AK8: variants seen among roughly 807,000 people sequenced by gnomAD.
AK8 encodes ATP-AMP transphosphorylase 8.
In AK8, 44 loss-of-function variants were observed where a neutral mutation model predicts 54.6. That is an observed-to-expected ratio of 0.81 (90% CI 0.63 to 1.04). The LOEUF (loss-of-function observed/expected upper bound fraction) is 1.04, where lower values mean the gene tolerates loss of function less well. Ranked by LOEUF, AK8 falls within the 50% of genes least tolerant of loss-of-function variation. AK8 has a pLI of 0.00. For missense variants in AK8, 555 were observed against 613.6 expected (o/e 0.90, Z 1.01); for synonymous variants, 239 against 245.6 (o/e 0.97, Z 0.25).
chr9:132,858,098 G>GC (rs1257561177), intron 4 of AK8, among the ~76,000 whole-genome samples: 1 of 152,200 alleles, frequency 6.6e-6, no homozygotes. Context: ...CAGGCCCCTG[G>GC]CCCCGGGTCT....
Position 132,781,030 on chromosome 9 carries a change from C to T in AK8, c.1121+11604G>A, listed in dbSNP as rs565065801. ...CCAACATCAATCAGAATCCTATACT[C>T]TTTCTCTGTAGTAAGCATTAATTTT... On this transcript the variant is annotated intron_variant, in intron 11 of 12. Transcript: ENST00000298545. The surrounding 1 kb of genome is among the most constrained non-coding windows in gnomAD (Gnocchi z 4.6). 3.3e-5 allele frequency among the ~76,000 whole-genome samples: 5 copies of T among 152,308 alleles called. No individual in the cohort carries two copies. The highest frequency in any genetic ancestry group is 1.2e-4 in the African/African-American group (5 of 41,560).
At chr9:132,763,911 G>A (rs1205682113) in intron 11 of AK8, among the ~76,000 whole-genome samples, 1 of 152,214 alleles carries the variant, frequency 6.6e-6, no homozygotes, top group Non-Finnish European at 1.5e-5. Flanking sequence ...ATCAAAAAAA[G>A]TAGGAAGATT....
intron 5 of AK8, among the ~76,000 whole-genome samples, chr9:132,840,849 C>T (rs941722051): frequency 3.3e-5 from 5 of 151,728 alleles, no homozygotes; most frequent in East Asian, 1.9e-4. Flanking sequence ...GCCGAGATCG[C>T]GCCAAAAAAA....
rs1434434379 is a variant in AK8 at position 132,837,219 on chromosome 9, T to G, written c.403-8493A>C. Reference sequence around the variant, plus strand: ...CTGTAATCCCAGCTACTCGGGAGACTGAGGCAGGAGAATCGCTTGAATCTT... The same window carrying G: ...CTGTAATCCCAGCTACTCGGGAGACGGAGGCAGGAGAATCGCTTGAATCTT... On this transcript the variant is annotated intron_variant, in intron 5 of 12. Transcript: ENST00000298545. The surrounding 1 kb of genome is among the most constrained non-coding windows in gnomAD (Gnocchi z 4.3). Among the ~76,000 whole-genome samples the G allele has an allele frequency of 6.7e-6, 1 of 150,312 alleles. No homozygotes were observed. The highest frequency in any genetic ancestry group is 2.5e-5 in the African/African-American group (1 of 40,636).
chr9:132,854,489 G>A (rs72759425), intron 5 of AK8, among the ~76,000 whole-genome samples: 2,414 of 152,292 alleles, frequency 0.016, 30 homozygotes, highest in Middle Eastern at 0.041. Flanking sequence ...GATAGGAGGC[G>A]AGAGTCTGGG....
At chr9:132,730,646 G>A (rs415951) in intron 11 of AK8, among the ~76,000 whole-genome samples, 124,725 of 151,580 alleles carry the variant, frequency 0.82, 51,476 homozygotes, top group Admixed American at 0.88. Flanking sequence ...AGCCCAGTGT[G>A]GCCCTGGTCA....
intron 5 of AK8, among the ~76,000 whole-genome samples, chr9:132,842,659 C>A (rs576771717): frequency 5.3e-5 from 8 of 152,236 alleles, no homozygotes; most frequent in Non-Finnish European, 1.0e-4. Context: ...GTTATTATCA[C>A]ATGGTTTTCA....
chr9:132,823,990 C>G (rs1330976742), intron 8 of AK8, among the ~76,000 whole-genome samples: 1 of 152,218 alleles, frequency 6.6e-6, no homozygotes, highest in Admixed American at 6.5e-5. Flanking sequence ...CTGCATGGCC[C>G]TGGCCTGTGG....
chr9:132,797,822 C>T (rs773325283), intron 10 of AK8, among the ~76,000 whole-genome samples: 1 of 152,230 alleles, frequency 6.6e-6, no homozygotes, highest in Non-Finnish European at 1.5e-5. Flanking sequence ...CCATGGGCGG[C>T]TCTCCCTTTT....
intron 11 of AK8, among the ~76,000 whole-genome samples, chr9:132,728,132 C>G (rs962347016): frequency 3.3e-5 from 5 of 152,198 alleles, no homozygotes; most frequent in African/African-American, 1.2e-4. Context: ...TCTCGTCACC[C>G]CAGACGAGGG....
chr9:132,863,860 C>T (rs954597660), intron 3 of AK8, 82 bp from the exon 4 acceptor site: 100 of 1,083,798 alleles, frequency 9.2e-5, no homozygotes, highest in Non-Finnish European at 1.3e-4. Flanking sequence ...CCTGGTCCTT[C>T]CCTCTCCTAT....
intron 5 of AK8, among the ~76,000 whole-genome samples, chr9:132,839,362 G>A (rs1049574671): frequency 6.6e-6 from 1 of 152,174 alleles, no homozygotes; most frequent in Non-Finnish European, 1.5e-5. Flanking sequence ...CAGGCTCAAT[G>A]AGTCATGGGG....
intron 11 of AK8, among the ~76,000 whole-genome samples, chr9:132,760,483 C>CTCCATAAA (rs1359593292): frequency 9.2e-5 from 14 of 152,290 alleles, no homozygotes; most frequent in Middle Eastern, 3.4e-3. Context: ...CTATTATGTA[C>CTCCATAAA]TCCATAAATT....
chr9:132,743,069 G>A lies in AK8; in HGVS notation c.1122-15535C>T, dbSNP rs1291014170. Among the ~76,000 whole-genome samples, 2 of 152,232 alleles carry A rather than the reference G, an allele frequency of 1.3e-5. 1 individual carries two copies. Among genetic ancestry groups the A allele is most frequent in the South Asian group, 4.1e-4 (2 of 4,836 alleles). ...TCAGCTCAAGCCACAAGCCCTGGCT[G>A]CGTGTGTAGCTTTAGCTCCCCGGGG... On this transcript the variant is annotated intron_variant, in intron 11 of 12. Transcript: ENST00000298545.
chr9:132,812,270 G>T (rs2131246932), intron 10 of AK8, among the ~76,000 whole-genome samples: 1 of 116,728 alleles, frequency 8.6e-6, no homozygotes, highest in Non-Finnish European at 1.6e-5. Flanking sequence ...GTCTCACTCT[G>T]TCACCCAGGC....
chr9:132,865,311 T>G (rs564660713), intron 3 of AK8, among the ~76,000 whole-genome samples: 3 of 152,304 alleles, frequency 2.0e-5, no homozygotes, highest in African/African-American at 7.2e-5. Context: ...TGCAGGTTAG[T>G]TTGTGCAAGG....
At chr9:132,774,307 A>G (rs964063089) in intron 11 of AK8, among the ~76,000 whole-genome samples, 1 of 152,196 alleles carries the variant, frequency 6.6e-6, no homozygotes, top group Non-Finnish European at 1.5e-5. Context: ...CTCAAAGCCA[A>G]CAAGGAGGCG....
intron 11 of AK8, among the ~76,000 whole-genome samples, chr9:132,761,841 TTTC>T (rs757513067): frequency 1.3e-5 from 2 of 151,750 alleles, no homozygotes; most frequent in South Asian, 2.1e-4. Flanking sequence ...TCTCTCTTTC[TTTC>T]TTCTTTTCTT....
chr9:132,869,785 G>A (rs941396061), intron 2 of AK8, among the ~76,000 whole-genome samples: 3 of 152,242 alleles, frequency 2.0e-5, no homozygotes, highest in Non-Finnish European at 4.4e-5. Context: ...GGGAGCCAGA[G>A]TGCCATGGGA....
Sources: gnomAD v4.1 joint callset for allele counts (sites outside exome capture counted in the v4.1 genomes callset) on GRCh38, gnomAD v4.1.1 for gene constraint, Gnocchi (gnomAD v3.1) non-coding constraint, MANE v1.5 for transcripts, NCBI Gene and HGNC (gene_info 2026-07-23, HGNC 2026-07-21) for gene names.